The following CSMD1 variants were observed in gnomAD, a reference collection of about 807,000 sequenced individuals.
The protein encoded by CSMD1 is CUB and Sushi multiple domains 1.
A neutral mutation model predicts 417.5 loss-of-function variants in CSMD1; 213 were observed. The observed-to-expected ratio is 0.51, with a 90% confidence interval of 0.46 to 0.57. The LOEUF is 0.57. CSMD1 is among the 20% of genes least tolerant of loss of function. CSMD1 has a pLI of 0.00. For synonymous variants in CSMD1, 2,862 were observed against 1,736.8 expected, an observed-to-expected ratio of 1.65 and a Z score of -16.11; for missense variants, 6,923 against 4,529.7, an observed-to-expected ratio of 1.53 and a Z score of -15.17.
chr8:3,964,544 G>A (rs1186700364), intron 5 of CSMD1, among the ~76,000 whole-genome samples: 1 of 152,066 alleles, frequency 6.6e-6, no homozygotes, highest in African/African-American at 2.4e-5. Context: ...AGCACCACCA[G>A]GAAATAAATA....
chr8:3,518,768 T>C (rs1007445405), intron 10 of CSMD1, among the ~76,000 whole-genome samples: 1 of 151,068 alleles, frequency 6.6e-6, no homozygotes, highest in Non-Finnish European at 1.5e-5. Context: ...ACATGCTCTG[T>C]TTGTTAGAAT....
chr8:3,393,857 C>T (rs1811500982), intron 17 of CSMD1, among the ~76,000 whole-genome samples: 1 of 150,566 alleles, frequency 6.6e-6, no homozygotes, highest in South Asian at 2.1e-4. Flanking sequence ...GGGGAGGGGG[C>T]AGGGATAGCA....
intron 10 of CSMD1, among the ~76,000 whole-genome samples, chr8:3,502,333 G>T (rs1007480343): frequency 6.9e-6 from 1 of 144,650 alleles, no homozygotes; most frequent in Non-Finnish European, 1.5e-5. Context: ...CCACTGCACT[G>T]CAGCCTGGGG....
chr8:3,200,341 G>C (rs1421304640), intron 32 of CSMD1, among the ~76,000 whole-genome samples: 1 of 151,910 alleles, frequency 6.6e-6, no homozygotes, highest in Non-Finnish European at 1.5e-5. Context: ...GATCACTTGA[G>C]GCCAGGAGTT....
chr8:3,262,677 A>G (rs1000815990), intron 26 of CSMD1, among the ~76,000 whole-genome samples: 2 of 152,184 alleles, frequency 1.3e-5, no homozygotes, highest in Admixed American at 6.5e-5. Context: ...ATTCAAGCAA[A>G]CATGGAATAC....
intron 8 of CSMD1, among the ~76,000 whole-genome samples, chr8:3,586,918 G>A (rs1800627513): frequency 1.3e-5 from 2 of 152,278 alleles, no homozygotes; most frequent in South Asian, 4.2e-4. Context: ...TCCTGCCTCA[G>A]CCTCCTGAGT....
intron 4 of CSMD1, among the ~76,000 whole-genome samples, chr8:4,028,892 G>C (rs77651065): frequency 0.049 from 7,515 of 152,224 alleles, 636 homozygotes; most frequent in African/African-American, 0.17. Flanking sequence ...CAAAACCTAA[G>C]AGTTGAAGTA....
intron 3 of CSMD1, among the ~76,000 whole-genome samples, chr8:4,242,824 A>C (rs1273718947): frequency 6.6e-6 from 1 of 152,222 alleles, no homozygotes; most frequent in Non-Finnish European, 1.5e-5. Flanking sequence ...CACCAACGAC[A>C]TGTGACTATT....
chr8:3,394,973 G>A (rs372854796), intron 17 of CSMD1, among the ~76,000 whole-genome samples: 26 of 152,028 alleles, frequency 1.7e-4, no homozygotes, highest in East Asian at 1.2e-3. Context: ...GCATATGCAC[G>A]TTTGTGTATA....
chr8:4,140,584 C>T (rs1216993591), intron 3 of CSMD1, among the ~76,000 whole-genome samples: 1 of 151,014 alleles, frequency 6.6e-6, no homozygotes, highest in African/African-American at 2.5e-5. Context: ...GGGAAGACTG[C>T]TTGAACCCAA....
intron 12 of CSMD1, among the ~76,000 whole-genome samples, chr8:3,425,912 G>A (rs745935162): frequency 6.6e-6 from 1 of 152,076 alleles, no homozygotes; most frequent in Admixed American, 6.6e-5. Flanking sequence ...TAAAAGGTGA[G>A]TAATGGAATC....
At chr8:3,693,656 A>G (rs1800376788) in intron 7 of CSMD1, among the ~76,000 whole-genome samples, 2 of 152,222 alleles carry the variant, frequency 1.3e-5, no homozygotes, top group South Asian at 4.1e-4. Flanking sequence ...ATATGTAGTT[A>G]TTAGGTAATA....
At chr8:3,448,183 A>G (rs1000852541) in intron 12 of CSMD1, among the ~76,000 whole-genome samples, 1 of 150,562 alleles carries the variant, frequency 6.6e-6, no homozygotes, top group Non-Finnish European at 1.5e-5. Flanking sequence ...TAGTGAAGAC[A>G]GAACAAATAA....
intron 5 of CSMD1, among the ~76,000 whole-genome samples, chr8:3,875,484 G>A (rs1372631423): frequency 6.6e-6 from 1 of 152,090 alleles, no homozygotes; most frequent in Non-Finnish European, 1.5e-5. Flanking sequence ...TGGGTTCCGA[G>A]GGTCACTGGC....
At chr8:3,397,323 G>C (rs1261444127) in intron 16 of CSMD1, among the ~76,000 whole-genome samples, 2 of 152,176 alleles carry the variant, frequency 1.3e-5, no homozygotes, top group Non-Finnish European at 2.9e-5. Context: ...GAGAAAACTT[G>C]GGAGAGGGGA....
intron 6 of CSMD1, among the ~76,000 whole-genome samples, chr8:3,716,011 G>C (rs1466579591): frequency 1.3e-5 from 2 of 152,168 alleles, no homozygotes; most frequent in Non-Finnish European, 2.9e-5. Flanking sequence ...AATCTCATCA[G>C]CTGTAATTTC....
At chr8:3,649,998 G>T (rs1028062243) in intron 7 of CSMD1, among the ~76,000 whole-genome samples, 1 of 152,100 alleles carries the variant, frequency 6.6e-6, no homozygotes, top group Admixed American at 6.5e-5. Flanking sequence ...GATAAATGAG[G>T]CTGGGCCTGG....
chr8:3,375,962 C>A (rs971750169), intron 18 of CSMD1, among the ~76,000 whole-genome samples: 1 of 152,166 alleles, frequency 6.6e-6, no homozygotes, highest in Non-Finnish European at 1.5e-5. Flanking sequence ...CCAAAATTGC[C>A]TCCAAGCTTT....
intron 1 of CSMD1, among the ~76,000 whole-genome samples, chr8:4,857,943 C>T (rs1286162791): frequency 2.6e-5 from 4 of 151,954 alleles, no homozygotes; most frequent in Non-Finnish European, 5.9e-5. Context: ...ATACCAAAGC[C>T]AGGCAGAGAC....
Sources: allele counts gnomAD v4.1 joint callset (sites outside exome capture counted in the v4.1 genomes callset), GRCh38; gene constraint gnomAD v4.1.1; transcripts MANE v1.5; gene names NCBI Gene and HGNC (gene_info 2026-07-23, HGNC 2026-07-21).